Variants in RHOU observed in about 807,000 individuals in gnomAD.
RHOU encodes rho-related GTP-binding protein RhoU.
Under a neutral mutation model 12.6 loss-of-function variants are expected in RHOU, and 8 were observed. The ratio of observed to expected loss-of-function variants is 0.64; its 90% CI spans 0.37 to 1.15. RHOU has a LOEUF of 1.15. RHOU is among the 50% of genes most tolerant of loss of function. The probability of loss-of-function intolerance (pLI) is 0.01; values close to 1 mark genes in which losing one functional copy is unlikely to be tolerated. For synonymous variants in RHOU, 161 were observed against 147.4 expected, an observed-to-expected ratio of 1.09 and a Z score of -0.67; for missense variants, 258 against 347.0, an observed-to-expected ratio of 0.74 and a Z score of 2.04.
chr1:228,743,278 G>C lies in RHOU; in HGVS notation c.322-7G>C. 6.2e-7 allele frequency: 1 copy of C among 1,610,148 alleles called. No individual in the cohort carries two copies. Among genetic ancestry groups the C allele is most frequent in the South Asian group, 1.1e-5 (1 of 90,984 alleles). ...ACATAACTTTTGGGTACTTTGCTTG[G>C]TTGCAGGATGAATTTGACAAGCTGA... On this transcript the variant is annotated splice_polypyrimidine_tract_variant and splice_region_variant and intron_variant, in intron 2 of 2. Coordinates refer to ENST00000366691, the MANE Select transcript of RHOU (RefSeq NM_021205.6). The surrounding 1 kb of genome is among the most constrained non-coding windows in gnomAD (Gnocchi z 5.1).
chr1:228,719,593 G>A, the RHOU span, among the ~76,000 whole-genome samples: 1 of 152,140 alleles, frequency 6.6e-6, no homozygotes, highest in Non-Finnish European at 1.5e-5. Context: ...AGCCGGGCAT[G>A]GTGGTGCACA....
chr1:228,707,134 A>ATATG, the RHOU span, among the ~76,000 whole-genome samples: 6 of 127,488 alleles, frequency 4.7e-5, no homozygotes, highest in Non-Finnish European at 7.9e-5. Context: ...ATACATATAT[A>ATATG]TATATATATA....
chr1:228,746,174 A>AT lies in RHOU; in HGVS notation c.*2438dup, dbSNP rs764059178. ...TAGTAAAGGTACGATTATACTTGAG[A>AT]TTTTCCTCCATTTTTATTTCTTCGT... On this transcript the variant is annotated 3_prime_UTR_variant, in exon 3 of 3. Transcript: ENST00000366691. The AT allele has an allele frequency of 6.6e-6, 1 of 152,166 alleles. No individual in the cohort carries two copies. The highest frequency in any genetic ancestry group is 2.4e-5 in the African/African-American group (1 of 41,434). The allele number at this position is 152,166 out of a possible 1,614,324, so 9.4% of individuals were successfully genotyped here.
At chr1:228,706,104 C>G in the RHOU span, among the ~76,000 whole-genome samples, 2 of 152,100 alleles carry the variant, frequency 1.3e-5, no homozygotes, top group African/African-American at 4.8e-5. Context: ...ACACAAATTT[C>G]TGGAACTTCA....
the RHOU span, among the ~76,000 whole-genome samples, chr1:228,655,158 G>T: frequency 1.3e-5 from 2 of 149,934 alleles, no homozygotes; most frequent in African/African-American, 4.9e-5. Flanking sequence ...AGGCTGGAGT[G>T]CAGTGGCGCG....
At chr1:228,669,601 T>C in the RHOU span, among the ~76,000 whole-genome samples, 1 of 152,338 alleles carries the variant, frequency 6.6e-6, no homozygotes, top group African/African-American at 2.4e-5. Flanking sequence ...TGAAATGTTA[T>C]TGGAATAGAA....
chr1:228,713,563 C>T, the RHOU span, among the ~76,000 whole-genome samples: 1 of 152,020 alleles, frequency 6.6e-6, no homozygotes, highest in African/African-American at 2.4e-5. Context: ...AACTGTTGGC[C>T]TCAAGCAATC....
chr1:228,681,595 T>A, the RHOU span, among the ~76,000 whole-genome samples: 1 of 152,132 alleles, frequency 6.6e-6, no homozygotes, highest in African/African-American at 2.4e-5. Context: ...TTGCCCTTTT[T>A]TCGACAAAAA....
the RHOU span, among the ~76,000 whole-genome samples, chr1:228,718,869 G>A: frequency 6.6e-6 from 1 of 152,310 alleles, no homozygotes; most frequent in Admixed American, 6.5e-5. Flanking sequence ...AGGAGGGAGT[G>A]CATCTCTTAC....
At chr1:228,695,785 A>T in the RHOU span, among the ~76,000 whole-genome samples, 2 of 152,248 alleles carry the variant, frequency 1.3e-5, no homozygotes, top group Admixed American at 1.3e-4. Flanking sequence ...TTGGGTTTTT[A>T]TGGAGGATTC....
chr1:228,670,672 G>C, the RHOU span, among the ~76,000 whole-genome samples: 1 of 152,192 alleles, frequency 6.6e-6, no homozygotes, highest in African/African-American at 2.4e-5. Flanking sequence ...GTTTGGGTCT[G>C]TGTCCCCACT....
the RHOU span, among the ~76,000 whole-genome samples, chr1:228,707,249 ATATATAGT>A: frequency 7.7e-4 from 73 of 94,696 alleles, no homozygotes; most frequent in Non-Finnish European, 1.1e-3. Flanking sequence ...ATATATATAT[ATATATAGT>A]GTGTGTGTGT....
the RHOU span, among the ~76,000 whole-genome samples, chr1:228,649,172 C>G: frequency 6.6e-6 from 1 of 152,158 alleles, no homozygotes; most frequent in Non-Finnish European, 1.5e-5. Context: ...CCAGCTTTTA[C>G]TTTTTCTAAA....
upstream of RHOU, among the ~76,000 whole-genome samples, chr1:228,732,056 A>C (rs931131972): frequency 8.5e-5 from 13 of 152,348 alleles, no homozygotes; most frequent in East Asian, 2.5e-3. Context: ...AAAGCATAAA[A>C]ATACAACTGT....
At chr1:228,720,909 C>T in the RHOU span, among the ~76,000 whole-genome samples, 1 of 152,186 alleles carries the variant, frequency 6.6e-6, no homozygotes, top group Non-Finnish European at 1.5e-5. Context: ...AAATATTAAC[C>T]AGCGCTTTCC....
chr1:228,738,731 C>T lies in RHOU; in HGVS notation c.321+1000C>T, dbSNP rs1020618819. On this transcript the variant is annotated intron_variant, in intron 2 of 2. Transcript: ENST00000366691. The surrounding 1 kb of genome is among the most constrained non-coding windows in gnomAD (Gnocchi z 4.2). ...TTTAAACCTGAAGATGACATAAGAC[C>T]GTGGAGCCTTGATCTCCAAGGAACA... Among the ~76,000 whole-genome samples the T allele has an allele frequency of 3.3e-5, 5 of 152,110 alleles. No homozygotes were observed. Among genetic ancestry groups the T allele is most frequent in the African/African-American group, 9.7e-5 (4 of 41,394 alleles).
chr1:228,713,123 CT>C, the RHOU span, among the ~76,000 whole-genome samples: 1 of 151,874 alleles, frequency 6.6e-6, no homozygotes, highest in Non-Finnish European at 1.5e-5. Context: ...AGTGATGTGT[CT>C]TTTTTATGCT....
Position 228,743,792 on chromosome 1 carries a change from G to T in RHOU, c.*52G>T, listed in dbSNP as rs118018847. ...TTTTCAGATGAAATCGATATTAGAA[G>T]CTATATTAGCTGAAACAACTCCTTT... On this transcript the variant is annotated 3_prime_UTR_variant, in exon 3 of 3. Transcript: ENST00000366691. The surrounding 1 kb of genome is among the most constrained non-coding windows in gnomAD (Gnocchi z 5.1). The T allele has an allele frequency of 4.3e-4, 651 of 1,497,298 alleles. 6 individuals are homozygous for T. The East Asian group carries it at 5.9e-3, about 14-fold the overall frequency. The allele number at this position is 1,497,298 out of a possible 1,614,324, so 92.8% of individuals were successfully genotyped here. A position where few individuals can be genotyped will look rare whatever the true frequency, so the allele number is the denominator to read the frequency against.
At chr1:228,660,620 C>A in the RHOU span, among the ~76,000 whole-genome samples, 1 of 151,368 alleles carries the variant, frequency 6.6e-6, no homozygotes, top group Non-Finnish European at 1.5e-5. Context: ...AAAGGAAAGC[C>A]AAGCAGAAGC....
Sources: gnomAD v4.1 joint callset for allele counts (sites outside exome capture counted in the v4.1 genomes callset) on GRCh38, gnomAD v4.1.1 for gene constraint, Gnocchi (gnomAD v3.1) non-coding constraint, MANE v1.5 for transcripts, NCBI Gene and HGNC (gene_info 2026-07-23, HGNC 2026-07-21) for gene names.